CCDC146: variants seen among roughly 807,000 people sequenced by gnomAD.
The protein encoded by CCDC146 is coiled-coil domain containing 146.
In CCDC146, 92 loss-of-function variants were observed where a neutral mutation model predicts 119.3. That is an observed-to-expected ratio of 0.77 (90% CI 0.65 to 0.92). The LOEUF (loss-of-function observed/expected upper bound fraction) is 0.92. Among genes scored for constraint, CCDC146 ranks in the 40% least tolerant of loss-of-function variants. The pLI is 0.00. For missense variants in CCDC146, 1,000 were observed against 1,103.0 expected (o/e 0.91, Z 1.32); for synonymous variants, 372 against 371.8 (o/e 1.00, Z -0.01).
At chr7:77,160,691 G>A (rs1791247600) in intron 1 of CCDC146, among the ~76,000 whole-genome samples, 2 of 152,120 alleles carry the variant, frequency 1.3e-5, no homozygotes, top group Admixed American at 6.5e-5. Context: ...GGGTTTTCTA[G>A]ATATACAATC....
intron 2 of CCDC146, among the ~76,000 whole-genome samples, chr7:77,205,134 T>G (rs926303436): frequency 2.6e-5 from 4 of 152,134 alleles, no homozygotes; most frequent in Admixed American, 1.3e-4. Flanking sequence ...GTAAAGAAAT[T>G]AGGAGAATCA....
intron 4 of CCDC146, chr7:77,246,609 C>A (rs1404011157): frequency 3.3e-5 from 5 of 152,024 alleles, no homozygotes; most frequent in Non-Finnish European, 5.9e-5. Context: ...AGTGATAACC[C>A]AAAAGGAGAG....
intron 1 of CCDC146, among the ~76,000 whole-genome samples, chr7:77,134,563 CTGTGTGTGTGTG>C (rs1554345524): frequency 1.1e-4 from 16 of 139,402 alleles, no homozygotes; most frequent in African/African-American, 2.7e-4. Flanking sequence ...GTGTGTGTGT[CTGTGTGTGTGTG>C]TGTGTGTGTG....
intron 2 of CCDC146, among the ~76,000 whole-genome samples, chr7:77,202,934 G>C (rs1168591621): frequency 6.6e-6 from 1 of 152,060 alleles, no homozygotes; most frequent in Non-Finnish European, 1.5e-5. Flanking sequence ...AACATGGGGA[G>C]GGTATGTGAG....
intron 2 of CCDC146, among the ~76,000 whole-genome samples, chr7:77,210,734 G>A (rs1367669433): frequency 6.6e-6 from 1 of 152,150 alleles, no homozygotes; most frequent in African/African-American, 2.4e-5. Flanking sequence ...TAGTTCCACA[G>A]GCTGTACAGG....
chr7:77,175,366 G>A (rs2150412738), intron 2 of CCDC146, among the ~76,000 whole-genome samples: 1 of 149,816 alleles, frequency 6.7e-6, no homozygotes, highest in East Asian at 2.0e-4. Context: ...AAAAAAGGAG[G>A]CATAGGAGCA....
chr7:77,127,118 C>T (rs1214852286), intron 1 of CCDC146, among the ~76,000 whole-genome samples: 1 of 152,156 alleles, frequency 6.6e-6, no homozygotes, highest in Non-Finnish European at 1.5e-5. Flanking sequence ...GCAGAGATGC[C>T]TGGGTCCCGT....
At chr7:77,181,311 C>G (rs957572033) in intron 2 of CCDC146, among the ~76,000 whole-genome samples, 3 of 152,026 alleles carry the variant, frequency 2.0e-5, no homozygotes, top group African/African-American at 7.3e-5. Flanking sequence ...TAAGGTCTGT[C>G]CCTAGTTGTC....
chr7:77,286,528 G>T (rs1282828844), intron 15 of CCDC146, among the ~76,000 whole-genome samples: 1 of 152,190 alleles, frequency 6.6e-6, no homozygotes, highest in Non-Finnish European at 1.5e-5. Flanking sequence ...GCAATCAAGG[G>T]CCGCTTGTGA....
intron 2 of CCDC146, among the ~76,000 whole-genome samples, chr7:77,216,827 G>A (rs1792310097): frequency 6.6e-6 from 1 of 152,102 alleles, no homozygotes; most frequent in Admixed American, 6.6e-5. Context: ...AGTGCCAAAG[G>A]GATCATTAAC....
At chr7:77,254,406 G>A in intron 4 of CCDC146, 100 bp from the exon 5 acceptor site, 1 of 666,864 alleles carries the variant, frequency 1.5e-6, no homozygotes, top group South Asian at 1.9e-5. Flanking sequence ...TGGCCGACAA[G>A]CATGGGAATG....
rs149803442 is a variant in CCDC146, at chr7:77,241,072, G to A, written c.240-619G>A. On this transcript the variant is annotated intron_variant, in intron 3 of 18. Transcript: ENST00000285871. ...GGCGGGAGTGCAGTGGCTCAATCTC[G>A]GCTGAGATGGAGTCTCACTCTGTCG... Among the ~76,000 whole-genome samples, 33 of 52,860 alleles carry A rather than the reference G, an allele frequency of 6.2e-4. 1 individual carries two copies. The highest frequency in any genetic ancestry group is 2.0e-3 in the African/African-American group (32 of 16,284). The allele number at this position is 52,860 out of a possible 152,430, so 34.7% of individuals were successfully genotyped here.
Position 77,239,822 on chromosome 7 carries a change from C to T in CCDC146, c.240-1869C>T, listed in dbSNP as rs190377301. ...GAGTTCTATAAGATACTGGAGATTC[C>T]GCCATGTCCTTTTTCTACATCCTCT... On this transcript the variant is annotated intron_variant, in intron 3 of 18. Coordinates refer to ENST00000285871, the MANE Select transcript of CCDC146 (RefSeq NM_020879.3). Among the ~76,000 whole-genome samples the T allele has an allele frequency of 1.8e-3, 275 of 152,226 alleles. 2 individuals are homozygous for T. Among genetic ancestry groups the T allele is most frequent in the Admixed American group, 3.7e-3 (57 of 15,272 alleles).
chr7:77,261,138 C>G (rs2150515595), intron 8 of CCDC146, among the ~76,000 whole-genome samples: 1 of 151,958 alleles, frequency 6.6e-6, no homozygotes, highest in East Asian at 1.9e-4. Context: ...TTTTATTAAA[C>G]TTTTAAGTTC....
At chr7:77,228,303 T>G (rs1272487514) in intron 2 of CCDC146, among the ~76,000 whole-genome samples, 1 of 152,188 alleles carries the variant, frequency 6.6e-6, no homozygotes, top group East Asian at 1.9e-4. Context: ...ATCCTCTCCC[T>G]TCTCCTCCCT....
At chr7:77,242,234 C>T (rs1242063931) in intron 4 of CCDC146, 4 of 401,584 alleles carry the variant, frequency 1.0e-5, no homozygotes, top group African/African-American at 2.1e-5. Context: ...CCCCTCATCC[C>T]ATGACTATAG....
At chr7:77,274,901 A>G (rs899766540) in intron 11 of CCDC146, among the ~76,000 whole-genome samples, 2 of 152,186 alleles carry the variant, frequency 1.3e-5, no homozygotes, top group African/African-American at 4.8e-5. Context: ...GCGGGGAGGG[A>G]TAGCATTAGG....
intron 2 of CCDC146, chr7:77,199,851 C>T: frequency 1.3e-6 from 2 of 1,546,184 alleles, no homozygotes; most frequent in African/African-American, 1.4e-5. Context: ...GCTTTAATAG[C>T]GGCAGCTGCC....
intron 1 of CCDC146, among the ~76,000 whole-genome samples, chr7:77,146,302 G>A (rs4580959): frequency 0.2 from 30,690 of 151,768 alleles, 3,468 homozygotes; most frequent in African/African-American, 0.22. Context: ...TTGAGCCTAT[G>A]TGTGTCTCTG....
Sources: allele counts gnomAD v4.1 joint callset (sites outside exome capture counted in the v4.1 genomes callset), GRCh38; gene constraint gnomAD v4.1.1; transcripts MANE v1.5; gene names NCBI Gene and HGNC (gene_info 2026-07-23, HGNC 2026-07-21).